Variants in ZNF804B observed in about 807,000 individuals in gnomAD.
ZNF804B encodes the protein zinc finger 804B.
ZNF804B carries 80 observed loss-of-function variants against 101.4 expected under a neutral mutation model. The ratio of observed to expected loss-of-function variants is 0.79; its 90% CI spans 0.66 to 0.95. The LOEUF is 0.95. Ranked by LOEUF, ZNF804B falls within the 40% of genes least tolerant of loss-of-function variation. The pLI, the probability that ZNF804B is intolerant of heterozygous loss-of-function variation, is 0.00. For missense variants in ZNF804B, 1,673 were observed against 1,561.9 expected, an observed-to-expected ratio of 1.07 and a Z score of -1.20; for synonymous variants, 622 against 558.8, an observed-to-expected ratio of 1.11 and a Z score of -1.59.
At chr7:89,044,369 T>C (rs1381702655) in intron 1 of ZNF804B, among the ~76,000 whole-genome samples, 1 of 152,154 alleles carries the variant, frequency 6.6e-6, no homozygotes, top group African/African-American at 2.4e-5. Flanking sequence ...CATTTCTTTA[T>C]AGCAGCATGA....
chr7:89,156,501 C>T (rs1790978420), intron 1 of ZNF804B, among the ~76,000 whole-genome samples: 1 of 152,086 alleles, frequency 6.6e-6, no homozygotes, highest in African/African-American at 2.4e-5. Flanking sequence ...TACTGCAGTC[C>T]TAATAATTCA....
At chr7:88,945,199 T>A (rs181731096) in intron 1 of ZNF804B, among the ~76,000 whole-genome samples, 1 of 152,104 alleles carries the variant, frequency 6.6e-6, no homozygotes, top group Non-Finnish European at 1.5e-5. Context: ...CTAGGTTTCC[T>A]TCTAGGGTTT....
intron 1 of ZNF804B, among the ~76,000 whole-genome samples, chr7:89,014,197 G>A (rs544964184): frequency 6.6e-6 from 1 of 152,116 alleles, no homozygotes; most frequent in South Asian, 2.1e-4. Context: ...CCTACTCTCT[G>A]CACCCTCACC....
intron 1 of ZNF804B, among the ~76,000 whole-genome samples, chr7:88,977,226 G>A (rs563615176): frequency 5.3e-4 from 80 of 150,548 alleles, no homozygotes; most frequent in African/African-American, 1.7e-3. Context: ...TCTCTGCCTC[G>A]TTTTGGTATC....
intron 1 of ZNF804B, among the ~76,000 whole-genome samples, chr7:89,093,289 C>G (rs144772481): frequency 3.0e-4 from 46 of 152,268 alleles, no homozygotes; most frequent in African/African-American, 9.6e-4. Flanking sequence ...TGTATACTAC[C>G]TTGTGCCTTT....
At chr7:88,977,617 G>A (rs1406994336) in intron 1 of ZNF804B, among the ~76,000 whole-genome samples, 7 of 151,234 alleles carry the variant, frequency 4.6e-5, no homozygotes, top group South Asian at 2.1e-4. Context: ...GATTTTCTTC[G>A]TTTGGGTCTC....
intron 2 of ZNF804B, among the ~76,000 whole-genome samples, chr7:89,247,811 C>G (rs1442346522): frequency 6.6e-6 from 1 of 151,960 alleles, no homozygotes; most frequent in East Asian, 1.9e-4. Context: ...CAAGGAAGCT[C>G]AACAAGATCC....
intron 1 of ZNF804B, among the ~76,000 whole-genome samples, chr7:89,189,197 G>A (rs1788419053): frequency 6.6e-6 from 1 of 151,992 alleles, no homozygotes; most frequent in Admixed American, 6.6e-5. Context: ...AAGCATGGAA[G>A]ACAACACAAC....
intron 1 of ZNF804B, among the ~76,000 whole-genome samples, chr7:88,892,677 C>A (rs1792230920): frequency 6.6e-6 from 1 of 152,144 alleles, no homozygotes; most frequent in Admixed American, 6.5e-5. Context: ...TACTTTCTTT[C>A]AATATCAACT....
chr7:88,819,189 T>A (rs1583956679), intron 1 of ZNF804B, among the ~76,000 whole-genome samples: 2 of 152,168 alleles, frequency 1.3e-5, no homozygotes, highest in African/African-American at 4.8e-5. Context: ...AGTGGCGCGA[T>A]CGTGGCTCAC....
chr7:88,773,852 A>G (rs778121357), intron 1 of ZNF804B, among the ~76,000 whole-genome samples: 4 of 152,008 alleles, frequency 2.6e-5, no homozygotes, highest in Non-Finnish European at 5.9e-5. Context: ...ATCACCTGAG[A>G]ACTCATATCA....
intron 1 of ZNF804B, among the ~76,000 whole-genome samples, chr7:89,015,561 C>A (rs1171935051): frequency 6.6e-6 from 1 of 151,848 alleles, no homozygotes; most frequent in Non-Finnish European, 1.5e-5. Context: ...TGTTCAATTC[C>A]CACCTATGAG....
intron 1 of ZNF804B, among the ~76,000 whole-genome samples, chr7:89,051,482 A>G (rs1469549833): frequency 1.3e-5 from 2 of 152,130 alleles, no homozygotes; most frequent in African/African-American, 4.8e-5. Context: ...GTTCATTTTT[A>G]CTGGATTCAA....
intron 1 of ZNF804B, among the ~76,000 whole-genome samples, chr7:88,990,671 G>A (rs1793831841): frequency 6.6e-6 from 1 of 152,044 alleles, no homozygotes; most frequent in African/African-American, 2.4e-5. Context: ...ATATTTTGAA[G>A]CACAGAGTAA....
chr7:88,914,056 A>G (rs1215729132), intron 1 of ZNF804B, among the ~76,000 whole-genome samples: 4 of 152,136 alleles, frequency 2.6e-5, no homozygotes, highest in South Asian at 2.1e-4. Context: ...TCTGCCTCCT[A>G]TTGAATGTGC....
chr7:88,886,712 CT>C (rs1294282019), intron 1 of ZNF804B, among the ~76,000 whole-genome samples: 2 of 151,372 alleles, frequency 1.3e-5, no homozygotes, highest in African/African-American at 4.9e-5. Context: ...AAGATATTCT[CT>C]TTAAGTAATC....
intron 1 of ZNF804B, among the ~76,000 whole-genome samples, chr7:89,185,907 C>A (rs1788368084): frequency 1.3e-5 from 2 of 151,678 alleles, no homozygotes; most frequent in African/African-American, 4.8e-5. Flanking sequence ...AAAAAAGACA[C>A]AATTTTAAAA....
At chr7:88,937,745 T>C (rs1354115042) in intron 1 of ZNF804B, among the ~76,000 whole-genome samples, 1 of 152,012 alleles carries the variant, frequency 6.6e-6, no homozygotes, top group Non-Finnish European at 1.5e-5. Flanking sequence ...AAAATCAATA[T>C]GTGTGCACCT....
At chr7:89,168,926 C>G (rs1000686880) in intron 1 of ZNF804B, among the ~76,000 whole-genome samples, 1 of 152,104 alleles carries the variant, frequency 6.6e-6, no homozygotes, top group East Asian at 1.9e-4. Flanking sequence ...CTTTTGTTCT[C>G]TGACCTGGGG....
Sources: gnomAD v4.1 joint callset for allele counts (sites outside exome capture counted in the v4.1 genomes callset) on GRCh38, gnomAD v4.1.1 for gene constraint, MANE v1.5 for transcripts, NCBI Gene and HGNC (gene_info 2026-07-23, HGNC 2026-07-21) for gene names.